The following TIMM23 variants were observed in gnomAD, a reference collection of about 807,000 sequenced individuals.
The protein encoded by TIMM23 is translocase of inner mitochondrial membrane 23.
A neutral mutation model predicts 30.7 loss-of-function variants in TIMM23; 19 were observed. The observed-to-expected ratio is 0.62, with a 90% CI of 0.43 to 0.91. The LOEUF is 0.91. Ranked by LOEUF, TIMM23 falls within the 40% of genes least tolerant of loss-of-function variation. The pLI, the probability that TIMM23 is intolerant of heterozygous loss-of-function variation, is 0.00. For missense variants in TIMM23, 202 were observed against 269.2 expected (o/e 0.75, Z 1.75); for synonymous variants, 78 against 98.5 (o/e 0.79, Z 1.23).
intron 6 of TIMM23, among the ~76,000 whole-genome samples, chr10:45,998,884 G>A (rs1838427834): frequency 1.4e-5 from 2 of 146,140 alleles, no homozygotes; most frequent in East Asian, 2.0e-4. Context: ...CGAGGCTAGA[G>A]TGCAGTGATG....
At chr10:45,980,412 T>TA (rs1260059570) in intron 2 of TIMM23, among the ~76,000 whole-genome samples, 2 of 152,196 alleles carry the variant, frequency 1.3e-5, no homozygotes, top group African/African-American at 4.8e-5. Context: ...TTTTATCTGA[T>TA]ACAGTATTGT....
intron 2 of TIMM23, among the ~76,000 whole-genome samples, chr10:45,977,957 G>A (rs1376338714): frequency 6.6e-6 from 1 of 152,090 alleles, no homozygotes; most frequent in Non-Finnish European, 1.5e-5. Flanking sequence ...CTTGAACCTG[G>A]GAGGCAGAGG....
intron 2 of TIMM23, 90 bp downstream of exon 2, chr10:45,975,602 C>G (rs2132241002): frequency 6.5e-7 from 1 of 1,534,790 alleles, no homozygotes; most frequent in South Asian, 1.2e-5. Flanking sequence ...ATGACATACA[C>G]TTTTGGAGGC....
At chr10:45,982,092 T>A (rs1837868995) in intron 2 of TIMM23, among the ~76,000 whole-genome samples, 1 of 152,200 alleles carries the variant, frequency 6.6e-6, no homozygotes, top group South Asian at 2.1e-4. Flanking sequence ...TGTTGTACTT[T>A]ATTAGTTTTT....
At chr10:45,992,835 C>T (rs1398864307) in intron 6 of TIMM23, among the ~76,000 whole-genome samples, 1 of 152,276 alleles carries the variant, frequency 6.6e-6, no homozygotes, top group African/African-American at 2.4e-5. Flanking sequence ...GGATTACAGG[C>T]ATGAACCACC....
chr10:45,983,860 C>T (rs1336741701), intron 4 of TIMM23, among the ~76,000 whole-genome samples: 14 of 152,190 alleles, frequency 9.2e-5, no homozygotes, highest in Admixed American at 9.2e-4. Flanking sequence ...CCTCCCACCT[C>T]AGCCTCCCGA....
At chr10:45,980,880 C>A (rs1345713012) in intron 2 of TIMM23, among the ~76,000 whole-genome samples, 9 of 147,808 alleles carry the variant, frequency 6.1e-5, no homozygotes, top group African/African-American at 9.9e-5. Context: ...TTGGTGCTAA[C>A]GTGCACTTTT....
intron 6 of TIMM23, among the ~76,000 whole-genome samples, chr10:45,999,945 A>T (rs890520234): frequency 2.0e-5 from 3 of 152,114 alleles, no homozygotes; most frequent in African/African-American, 7.2e-5. Context: ...TATTTCTCCC[A>T]TTTGCTTTTG....
rs386371331 is a variant in TIMM23 at position 46,002,810 on chromosome 10, A to ATTTTTTTTT, written c.515-377_515-369dup. ...TAAAATGGTCTCTCCATTTCATAGT[A>ATTTTTTTTT]TTTTTTTTTTTTTTTTTTTTTTTTG... On this transcript the variant is annotated intron_variant, in intron 6 of 6. Transcript: ENST00000580018. Among the ~76,000 whole-genome samples the ATTTTTTTTT allele has an allele frequency of 2.4e-4, 23 of 95,078 alleles. 1 individual carries two copies. The highest frequency in any genetic ancestry group is 4.0e-4 in the South Asian group (1 of 2,494). 62.4% of individuals were successfully genotyped at this position (95,078 alleles called of 152,430 possible).
chr10:45,980,934 G>T, intron 2 of TIMM23, among the ~76,000 whole-genome samples: 1 of 144,970 alleles, frequency 6.9e-6, no homozygotes, highest in Admixed American at 6.9e-5. Context: ...TTTTTTTTAA[G>T]TTTTCTTTTC....
At chr10:45,990,766 T>A (rs1838143269) in intron 6 of TIMM23, 3 of 396,856 alleles carry the variant, frequency 7.6e-6, no homozygotes, top group South Asian at 1.9e-5. Flanking sequence ...TTAAATAATA[T>A]TATTATCTTG....
chr10:45,991,783 T>A (rs1439742252), intron 6 of TIMM23, among the ~76,000 whole-genome samples: 1 of 150,006 alleles, frequency 6.7e-6, no homozygotes, highest in Admixed American at 6.6e-5. Context: ...AAGAAAAAAA[T>A]GATGATTGGA....
In TIMM23 at chr10:45,982,884, T is replaced by C; in HGVS notation, c.298T>C (p.Leu100=). The change falls in exon 4 of 7, where the codon TTG becomes CTG. Residue 100 remains leucine (L), a synonymous_variant. Transcript: ENST00000580018. The part of the protein sequence containing the change: ...FGAMNGLRLG[L]KETQNMAWSK... ...TGCAATGAATGGTCTTCGGCTAGGA[T>C]TGAAGGAAACCCAGAACATGGCCTG... The C allele has an allele frequency of 1.2e-6, 2 of 1,613,898 alleles. No individual in the cohort carries two copies. Among genetic ancestry groups the C allele is most frequent in the Non-Finnish European group, 1.7e-6 (2 of 1,179,852 alleles).
intron 2 of TIMM23, among the ~76,000 whole-genome samples, chr10:45,976,594 G>A (rs1305927370): frequency 6.6e-6 from 1 of 152,192 alleles, no homozygotes; most frequent in Non-Finnish European, 1.5e-5. Flanking sequence ...CTGGGCAACA[G>A]AGTAAGACCC....
intron 2 of TIMM23, among the ~76,000 whole-genome samples, chr10:45,976,592 C>T (rs61849467): frequency 7.1e-6 from 1 of 141,822 alleles, no homozygotes; most frequent in African/African-American, 2.5e-5. Flanking sequence ...GCCTGGGCAA[C>T]AGAGTAAGAC....
At chr10:45,982,769 G>T in intron 3 of TIMM23, 77 bp from the exon 4 acceptor site, 1 of 1,601,564 alleles carries the variant, frequency 6.2e-7, no homozygotes, top group Non-Finnish European at 8.5e-7. Flanking sequence ...AGAATCAGAA[G>T]TGTAGTTATG....
At chr10:45,992,972 G>A (rs1554916082) in intron 6 of TIMM23, among the ~76,000 whole-genome samples, 1 of 152,022 alleles carries the variant, frequency 6.6e-6, no homozygotes, top group East Asian at 1.9e-4. Context: ...CAGGGCCTTT[G>A]TTCTTGCCGT....
At chr10:45,985,561 C>G in intron 5 of TIMM23, 120 bp downstream of exon 5, 2 of 1,227,986 alleles carry the variant, frequency 1.6e-6, no homozygotes, top group Non-Finnish European at 2.4e-6. Flanking sequence ...TAAACCCATT[C>G]CAATGCATAA....
At chr10:46,002,620 A>G (rs1017427676) in intron 6 of TIMM23, 1 of 475,332 alleles carries the variant, frequency 2.1e-6, no homozygotes, top group South Asian at 8.9e-5. Flanking sequence ...ACTAGCAGGA[A>G]ACGACTGTTC....
Sources: allele counts gnomAD v4.1 joint callset (sites outside exome capture counted in the v4.1 genomes callset), GRCh38; gene constraint gnomAD v4.1.1; transcripts MANE v1.5; gene names NCBI Gene and HGNC (gene_info 2026-07-23, HGNC 2026-07-21).